The following NRG3 variants were observed in gnomAD, a reference collection of about 807,000 sequenced individuals.
NRG3 encodes the protein neuregulin 3, also known as pro-neuregulin-3, membrane-bound isoform.
Under a neutral mutation model 66.9 loss-of-function variants are expected in NRG3, and 31 were observed. The observed-to-expected ratio is 0.46, with a 90% CI of 0.35 to 0.63. The LOEUF (loss-of-function observed/expected upper bound fraction) is 0.63. Among genes scored for constraint, NRG3 ranks in the 20% least tolerant of loss-of-function variants. The pLI, the probability that NRG3 is intolerant of heterozygous loss-of-function variation, is 0.00. For missense variants in NRG3, 910 were observed against 878.9 expected, an observed-to-expected ratio of 1.04 and a Z score of -0.45; for synonymous variants, 393 against 359.4, an observed-to-expected ratio of 1.09 and a Z score of -1.06.
chr10:82,737,981 T>C (rs1325654433), intron 2 of NRG3, among the ~76,000 whole-genome samples: 1 of 152,000 alleles, frequency 6.6e-6, no homozygotes. Flanking sequence ...AGAAAAAATC[T>C]GAGTTTAGAG....
chr10:81,977,715 C>G (rs1216474993), intron 1 of NRG3, among the ~76,000 whole-genome samples: 1 of 152,086 alleles, frequency 6.6e-6, no homozygotes, highest in Non-Finnish European at 1.5e-5. Context: ...CGTTTCTGGT[C>G]CACAAACAAA....
chr10:81,926,284 C>CT (rs1186404720), intron 1 of NRG3, among the ~76,000 whole-genome samples: 7 of 150,782 alleles, frequency 4.6e-5, no homozygotes, highest in South Asian at 4.2e-4. Flanking sequence ...TAGCCAGATA[C>CT]TTTTTTTTTG....
At chr10:82,216,400 T>C (rs77521584) in intron 1 of NRG3, among the ~76,000 whole-genome samples, 16,733 of 151,756 alleles carry the variant, frequency 0.11, 1,030 homozygotes, top group Middle Eastern at 0.17. Context: ...TGGAGTATAC[T>C]CTGAAATCTC....
chr10:82,175,762 A>G (rs2072985203), intron 1 of NRG3, among the ~76,000 whole-genome samples: 1 of 152,170 alleles, frequency 6.6e-6, no homozygotes, highest in Admixed American at 6.6e-5. Flanking sequence ...ATGTCAGGTA[A>G]TCTGTGCATA....
intron 1 of NRG3, among the ~76,000 whole-genome samples, chr10:82,002,368 T>A (rs2061205807): frequency 6.6e-6 from 1 of 152,218 alleles, no homozygotes; most frequent in Non-Finnish European, 1.5e-5. Flanking sequence ...TTATTCAACT[T>A]TAATGAATCC....
rs927198338 is a variant in NRG3 at position 82,416,669 on chromosome 10, A to T, written c.953+57801A>T. On this transcript the variant is annotated intron_variant, in intron 2 of 8. Transcript: ENST00000372141. The stretch of plus-strand genomic sequence containing the variant: ...AGTCTTGTTCTACCTTCTCAGCCTC[A>T]TATAGCAATACCTCTTATATTCTGC... 2.0e-5 allele frequency among the ~76,000 whole-genome samples: 3 copies of T among 152,196 alleles called. No homozygotes were observed. The South Asian group carries it at 6.2e-4, about 32-fold the overall frequency.
At chr10:82,363,010 G>A (rs1396751472) in intron 2 of NRG3, among the ~76,000 whole-genome samples, 2 of 152,056 alleles carry the variant, frequency 1.3e-5, no homozygotes, top group South Asian at 2.1e-4. Context: ...GCAATGGAAG[G>A]CAAAAATTAA....
intron 2 of NRG3, among the ~76,000 whole-genome samples, chr10:82,395,907 A>G (rs779743387): frequency 6.6e-6 from 1 of 152,256 alleles, no homozygotes; most frequent in African/African-American, 2.4e-5. Context: ...TTAGATATAG[A>G]GAAATAAAAA....
intron 1 of NRG3, among the ~76,000 whole-genome samples, chr10:81,952,873 G>A (rs2133206315): frequency 6.6e-6 from 1 of 152,168 alleles, no homozygotes; most frequent in Non-Finnish European, 1.5e-5. Flanking sequence ...GGGATTACAG[G>A]CATGATGCAC....
In NRG3 at chr10:82,771,494, C is replaced by T. The variant is rs573802549; in HGVS notation, c.1027+32844C>T. Reference sequence around the variant, plus strand: ...TAGTCAGGCTCATTTACTGTGGACTCGTGATGCCCCCAGCAGTCTGGCTGA... The same window carrying T: ...TAGTCAGGCTCATTTACTGTGGACTTGTGATGCCCCCAGCAGTCTGGCTGA... On this transcript the variant is annotated intron_variant, in intron 3 of 8. Coordinates refer to ENST00000372141, the MANE Select transcript of NRG3 (RefSeq NM_001010848.4). Among the ~76,000 whole-genome samples the T allele has an allele frequency of 6.8e-4, 103 of 152,232 alleles. 1 individual carries two copies. The highest frequency in any genetic ancestry group is 1.3e-3 in the Non-Finnish European group (88 of 68,010).
intron 1 of NRG3, among the ~76,000 whole-genome samples, chr10:82,224,523 A>G (rs1336299): frequency 0.13 from 19,989 of 152,178 alleles, 1,618 homozygotes; most frequent in Admixed American, 0.22. Flanking sequence ...AACTTCTGAC[A>G]AACCCAGCAC....
At chr10:82,452,014 T>C (rs1168902882) in intron 2 of NRG3, among the ~76,000 whole-genome samples, 3 of 152,334 alleles carry the variant, frequency 2.0e-5, no homozygotes, top group African/African-American at 7.2e-5. Context: ...TCTCTTCTAT[T>C]TGGAATCCAG....
intron 1 of NRG3, among the ~76,000 whole-genome samples, chr10:82,266,241 G>A (rs1047146723): frequency 1.4e-4 from 22 of 152,130 alleles, no homozygotes; most frequent in Non-Finnish European, 2.2e-4. Context: ...CTCAGTTATG[G>A]TGGTTCAAGG....
chr10:82,102,755 C>T (rs925899685), intron 1 of NRG3, among the ~76,000 whole-genome samples: 2 of 151,800 alleles, frequency 1.3e-5, no homozygotes, highest in Admixed American at 1.3e-4. Context: ...CAAACAAAAT[C>T]GGGATGCCTT....
At chr10:82,055,853 A>G (rs960415720) in intron 1 of NRG3, among the ~76,000 whole-genome samples, 1 of 152,180 alleles carries the variant, frequency 6.6e-6, no homozygotes, top group Non-Finnish European at 1.5e-5. Context: ...TTTATCTGTA[A>G]TGGTTCAGAT....
intron 1 of NRG3, among the ~76,000 whole-genome samples, chr10:81,911,158 A>G (rs12260741): frequency 0.12 from 18,520 of 152,192 alleles, 1,883 homozygotes; most frequent in African/African-American, 0.27. Flanking sequence ...GGTGAACCTT[A>G]CTGCTATGTC....
chr10:82,914,213 A>G (rs1845612245), intron 4 of NRG3, among the ~76,000 whole-genome samples: 1 of 151,752 alleles, frequency 6.6e-6, no homozygotes, highest in African/African-American at 2.4e-5. Flanking sequence ...GTACTTTTTC[A>G]TTAGATCCTT....
chr10:82,787,657 A>G (rs2060424379), intron 3 of NRG3, among the ~76,000 whole-genome samples: 1 of 152,218 alleles, frequency 6.6e-6, no homozygotes, highest in Admixed American at 6.5e-5. Context: ...CTGCTTCTGC[A>G]AGCTTAAGAA....
At chr10:82,925,386 C>T (rs1278470038) in intron 4 of NRG3, among the ~76,000 whole-genome samples, 4 of 152,230 alleles carry the variant, frequency 2.6e-5, no homozygotes, top group African/African-American at 9.6e-5. Context: ...GTGCCCTAAT[C>T]TTCTCAAGTG....
Sources: allele counts gnomAD v4.1 joint callset (sites outside exome capture counted in the v4.1 genomes callset), GRCh38; gene constraint gnomAD v4.1.1; transcripts MANE v1.5; gene names NCBI Gene and HGNC (gene_info 2026-07-23, HGNC 2026-07-21).